NCLN: variants seen among roughly 807,000 people sequenced by gnomAD.
NCLN encodes nicalin, also known as BOS complex subunit NCLN.
Under a neutral mutation model 69.5 loss-of-function variants are expected in NCLN, and 34 were observed. That is an observed-to-expected ratio of 0.49 (90% CI 0.37 to 0.65). The LOEUF is 0.65. NCLN is among the 30% of genes least tolerant of loss of function. The pLI is 0.00. For synonymous variants in NCLN, 393 were observed against 358.3 expected, an observed-to-expected ratio of 1.10 and a Z score of -1.09; for missense variants, 710 against 804.8, an observed-to-expected ratio of 0.88 and a Z score of 1.42.
chr19:3,203,304 G>T (rs1183877809), intron 6 of NCLN, among the ~76,000 whole-genome samples: 1 of 150,672 alleles, frequency 6.6e-6, no homozygotes, highest in Non-Finnish European at 1.5e-5. Context: ...GCGAAACTCC[G>T]TCCCAAAAGA....
chr19:3,205,808 C>T lies in NCLN; in HGVS notation c.1209-131C>T, dbSNP rs370637795. 1.2e-6 allele frequency: 1 copy of T among 853,924 alleles called. No individual in the cohort carries two copies. Among genetic ancestry groups the T allele is most frequent in the African/African-American group, 1.7e-5 (1 of 57,852 alleles). The allele number at this position is 853,924 out of a possible 1,614,324, so 52.9% of individuals were successfully genotyped here. On this transcript the variant is annotated intron_variant, in intron 9 of 14. Transcript: ENST00000246117. The surrounding 1 kb of genome is among the most constrained non-coding windows in gnomAD (Gnocchi z 4.6). ...TGTTAGCCAAGTAGTTAAAGCTAAG[C>T]TTAATTTTTTTTTTTTTTTAAAGAC... is the stretch of plus-strand genomic sequence containing the variant.
Position 3,203,748 on chromosome 19 carries a change from C to A in NCLN, c.801-8C>A. 1 of 1,608,412 alleles carries A rather than the reference C, an allele frequency of 6.2e-7. No homozygotes were observed. ...CCGTCAAAGCTAACACTGGGTCTTCCCTCCCAGCTACAACCTCCTGTTCTT... is the reference window on the plus strand; with the variant it reads ...CCGTCAAAGCTAACACTGGGTCTTCACTCCCAGCTACAACCTCCTGTTCTT... On this transcript the variant is annotated splice_region_variant and splice_polypyrimidine_tract_variant and intron_variant, in intron 6 of 14. Coordinates refer to ENST00000246117, the MANE Select transcript of NCLN (RefSeq NM_020170.4).
rs138909623 is a variant in NCLN, at chr19:3,192,501, G to T, written c.216G>T (p.Ala72=). Residue 72 remains alanine, a synonymous_variant, in exon 2 of 15, where the codon GCG becomes GCT. Transcript: ENST00000246117. ...GTRNAVLNTE[A]RTMAAEVLSR... The stretch of plus-strand genomic sequence containing the variant: ...GGAATGCAGTGCTGAACACGGAGGC[G>T]CGCACGATGGCGGCGGAGGTGCTGA... 6.2e-7 allele frequency: 1 copy of T among 1,607,024 alleles called. No homozygotes were observed. The highest frequency in any genetic ancestry group is 8.5e-7 in the Non-Finnish European group (1 of 1,177,968).
intron 3 of NCLN, among the ~76,000 whole-genome samples, chr19:3,194,744 C>CTTTTTTTTTT (rs745406038): frequency 7.3e-6 from 1 of 136,490 alleles, no homozygotes; most frequent in African/African-American, 2.7e-5. Flanking sequence ...GAGTCGTCTT[C>CTTTTTTTTTT]TTTTTTTTTT....
At chr19:3,186,267 C>G (rs1915667576) in intron 1 of NCLN, 53 bp downstream of exon 1, 1 of 1,403,262 alleles carries the variant, frequency 7.1e-7, no homozygotes, top group African/African-American at 1.5e-5. Flanking sequence ...GGCCACGCCA[C>G]TCCGGCCCGG....
intron 5 of NCLN, 37 bp from the exon 6 acceptor site, chr19:3,201,485 CG>C: frequency 1.4e-6 from 2 of 1,471,622 alleles, no homozygotes; most frequent in Non-Finnish European, 1.8e-6. Flanking sequence ...GGGAGCCGGG[CG>C]GGGGTGACTG....
chr19:3,202,798 G>C (rs958952814), intron 6 of NCLN, among the ~76,000 whole-genome samples: 5 of 151,790 alleles, frequency 3.3e-5, no homozygotes, highest in East Asian at 3.9e-4. Context: ...GCCCCCCACT[G>C]ATGCCTTTTG....
At chr19:3,195,184 A>G (rs1039026780) in intron 3 of NCLN, among the ~76,000 whole-genome samples, 1 of 33,548 alleles carries the variant, frequency 3.0e-5, no homozygotes, top group Non-Finnish European at 5.0e-5. Context: ...TCCGACTTGA[A>G]AAAAAAAAAA....
intron 5 of NCLN, among the ~76,000 whole-genome samples, chr19:3,201,031 C>A (rs1187426312): frequency 6.6e-6 from 1 of 152,170 alleles, no homozygotes; most frequent in Non-Finnish European, 1.5e-5. Context: ...TGCTTTAGAT[C>A]ACAAAGGTGC....
rs766962836 is a variant in NCLN at position 3,201,558 on chromosome 19, C to A, written c.732C>A (p.Gly244=). ...TGGGCGCGGACTCCAACGGGAGCGG[C>A]GTCTCTGTGCTGCTGGAGCTGGCAC... The part of the protein sequence containing the change: ...LSLGADSNGS[G]VSVLLELARL... Residue 244 remains glycine, a synonymous_variant, in exon 6 of 15, where the codon GGC becomes GGA. Transcript: ENST00000246117. The A allele has an allele frequency of 6.4e-7, 1 of 1,567,184 alleles. No individual in the cohort carries two copies. The highest frequency in any genetic ancestry group is 8.6e-7 in the Non-Finnish European group (1 of 1,163,372).
intron 4 of NCLN, among the ~76,000 whole-genome samples, chr19:3,197,563 T>TCCCC (rs1915998511): frequency 6.6e-6 from 1 of 151,670 alleles, no homozygotes; most frequent in Non-Finnish European, 1.5e-5. Context: ...TGCCTCGGCC[T>TCCCC]CCCGAGTAGC....
At chr19:3,187,603 C>T (rs1171802457) in intron 1 of NCLN, among the ~76,000 whole-genome samples, 2 of 152,150 alleles carry the variant, frequency 1.3e-5, no homozygotes, top group Non-Finnish European at 1.5e-5. Flanking sequence ...ACCGAGGGGA[C>T]GCTGGGTGAT....
rs778818457 is a variant in NCLN at position 3,207,183 on chromosome 19, G to A, written c.1500-15G>A. 2 of 1,613,496 alleles carry A rather than the reference G, an allele frequency of 1.2e-6. No individual in the cohort carries two copies. Among genetic ancestry groups the A allele is most frequent in the South Asian group, 2.2e-5 (2 of 91,084 alleles). ...GGGCGCAGTGGTGCCCCCTGAGAAA[G>A]TGCTCTCTCCCCAGGGACCCAGAGT... On this transcript the variant is annotated splice_polypyrimidine_tract_variant and intron_variant, in intron 12 of 14. Coordinates refer to ENST00000246117, the MANE Select transcript of NCLN (RefSeq NM_020170.4).
At chr19:3,206,567 C>T (rs921165624) in intron 12 of NCLN, 142 bp downstream of exon 12, 52 of 1,139,228 alleles carry the variant, frequency 4.6e-5, no homozygotes, top group East Asian at 1.1e-4. Context: ...CCGGACACGG[C>T]GGCTGTGCCT....
At chr19:3,203,871 G>C (rs767453153) in intron 7 of NCLN, 27 bp downstream of exon 7, 1 of 1,603,972 alleles carries the variant, frequency 6.2e-7, no homozygotes, top group African/African-American at 1.3e-5. Flanking sequence ...GGGGGTGGGG[G>C]TGCCGCGGTG....
At chr19:3,195,275 A>T (rs1915926361) in intron 3 of NCLN, among the ~76,000 whole-genome samples, 1 of 150,642 alleles carries the variant, frequency 6.6e-6, no homozygotes, top group Admixed American at 6.6e-5. Context: ...TTTGAGACGG[A>T]GTCTCGTTCT....
intron 1 of NCLN, among the ~76,000 whole-genome samples, chr19:3,189,828 C>T (rs956299172): frequency 1.3e-5 from 2 of 152,214 alleles, no homozygotes; most frequent in African/African-American, 4.8e-5. Flanking sequence ...GGGCCCCGAG[C>T]GAGCGGGGGC....
Position 3,193,408 on chromosome 19 carries a change from G to T in NCLN, c.500G>T (p.Gly167Val). The change falls in exon 3 of 15, where the codon GGC becomes GTC. Residue 167 changes from glycine (G) to valine (V), a missense_variant. By Grantham distance (109) the Gly-to-Val change is moderately radical. Coordinates refer to ENST00000246117, the MANE Select transcript of NCLN (RefSeq NM_020170.4). The stretch of plus-strand genomic sequence containing the variant: ...ACCCAGGCTGCCTCCGCCTCCCAGG[G>T]CTCCGCCTCTGCTGCTGAAGGTGTG... Reference protein sequence around the residue: ...KQTQAASASQGSASAAEVLLR... With the variant: ...KQTQAASASQVSASAAEVLLR... The T allele has an allele frequency of 6.2e-7, 1 of 1,607,496 alleles. No homozygotes were observed.
chr19:3,208,024 C>T lies in NCLN; in HGVS notation c.*336C>T, dbSNP rs908558413. On this transcript the variant is annotated 3_prime_UTR_variant, in exon 15 of 15. Transcript: ENST00000246117. ...CACACATGCACGATTAAAGAGGAGACGCCGGGACCCCCTGCCCGATCGCGC... is the reference window on the plus strand; with the variant it reads ...CACACATGCACGATTAAAGAGGAGATGCCGGGACCCCCTGCCCGATCGCGC... The T allele has an allele frequency of 6.2e-5, 19 of 306,820 alleles. No homozygotes were observed. Among genetic ancestry groups the T allele is most frequent in the African/African-American group, 3.5e-4 (16 of 46,334 alleles). 19.0% of individuals were successfully genotyped at this position (306,820 alleles called of 1,614,324 possible).
Sources: allele counts gnomAD v4.1 joint callset (sites outside exome capture counted in the v4.1 genomes callset), GRCh38; gene constraint gnomAD v4.1.1; non-coding constraint Gnocchi (gnomAD v3.1); transcripts MANE v1.5; gene names NCBI Gene and HGNC (gene_info 2026-07-23, HGNC 2026-07-21).